Variants in ROS1 observed in about 807,000 individuals in gnomAD.
ROS1 encodes proto-oncogene tyrosine-protein kinase ROS.
In ROS1, 263 loss-of-function variants were observed where a neutral mutation model predicts 273.5. The ratio of observed to expected loss-of-function variants is 0.96; its 90% CI spans 0.87 to 1.06. ROS1 has a LOEUF of 1.06. Among genes scored for constraint, ROS1 ranks in the 50% least tolerant of loss-of-function variants. The pLI is 0.00. For missense variants in ROS1, 2,833 were observed against 2,751.1 expected, an observed-to-expected ratio of 1.03 and a Z score of -0.67; for synonymous variants, 1,008 against 954.1, an observed-to-expected ratio of 1.06 and a Z score of -1.04.
At chr6:117,423,339 G>A (rs1421187743) in intron 1 of ROS1, among the ~76,000 whole-genome samples, 1 of 152,082 alleles carries the variant, frequency 6.6e-6, no homozygotes, top group African/African-American at 2.4e-5. Flanking sequence ...TGCTAAAGAT[G>A]GGAAAATTAT....
At position 117,414,524 on chromosome 6, in the gene ROS1, A is replaced by G. The variant is rs374013038; in HGVS notation, c.250T>C (p.Cys84Arg). 4.2e-5 allele frequency: 31 copies of G among 737,592 alleles called. No individual in the cohort carries two copies. The highest frequency in any genetic ancestry group is 7.4e-5 in the Non-Finnish European group (30 of 407,188). 45.7% of individuals were successfully genotyped at this position (737,592 alleles called of 1,614,324 possible). A position where few individuals can be genotyped will look rare whatever the true frequency, so the allele number is the denominator to read the frequency against. The change falls in exon 4 of 44, where the codon TGT becomes CGT. Residue 84 changes from cysteine (C) to arginine (R), a missense_variant. Transcript: ENST00000368507. ...TTTTGTGATTGCCAACTCACCTCAC[A>G]AACGGTGGCATAAGTATCATTCTGC... ...LKCNDTYATVCERESCEVGCS... is the reference protein window; with the variant it reads ...LKCNDTYATVRERESCEVGCS...
chr6:117,393,991 T>A (rs1237490634), intron 11 of ROS1, among the ~76,000 whole-genome samples, 171 bp downstream of exon 11: 5 of 152,186 alleles, frequency 3.3e-5, no homozygotes, highest in Admixed American at 1.3e-4. Flanking sequence ...AGGTAAAGGC[T>A]ACACCCTCCT....
rs771717597 is a variant in ROS1, at chr6:117,341,393, A to G, written c.4884+7T>C. 5.5e-5 allele frequency: 88 copies of G among 1,612,494 alleles called. No individual in the cohort carries two copies. The highest frequency in any genetic ancestry group is 1.6e-4 in the Middle Eastern group (1 of 6,076). On this transcript the variant is annotated splice_region_variant and intron_variant, in intron 30 of 43. Coordinates refer to ENST00000368507, the MANE Select transcript of ROS1 (RefSeq NM_001378902.1). The stretch of plus-strand genomic sequence containing the variant: ...ACAATAAAGAGTGCCTAGTAAACTC[A>G]CTGTACCTTTAACACATAAATATTT...
At chr6:117,323,861 C>G (rs967358559) in intron 35 of ROS1, among the ~76,000 whole-genome samples, 1 of 152,144 alleles carries the variant, frequency 6.6e-6, no homozygotes, top group Admixed American at 6.6e-5. Flanking sequence ...AATGGATCTT[C>G]TGCAAAAGAG....
intron 5 of ROS1, among the ~76,000 whole-genome samples, chr6:117,405,190 A>C (rs984624600): frequency 1.3e-5 from 2 of 152,298 alleles, no homozygotes; most frequent in East Asian, 3.9e-4. Flanking sequence ...AGGGAGCTTA[A>C]AATGGTTAAT....
At chr6:117,372,232 G>A (rs1780853948) in intron 18 of ROS1, among the ~76,000 whole-genome samples, 1 of 152,104 alleles carries the variant, frequency 6.6e-6, no homozygotes, top group Non-Finnish European at 1.5e-5. Context: ...ACATAGTACT[G>A]GAAGTCCTAG....
intron 43 of ROS1, among the ~76,000 whole-genome samples, chr6:117,299,995 T>A (rs1334836697): frequency 6.9e-6 from 1 of 144,796 alleles, no homozygotes; most frequent in East Asian, 2.1e-4. Context: ...CGATCTCGGC[T>A]CACTGCAAGC....
intron 31 of ROS1, 150 bp from the exon 32 acceptor site, chr6:117,337,490 T>C (rs903177729): frequency 1.6e-6 from 1 of 611,566 alleles, no homozygotes. Flanking sequence ...TCCCAAACAT[T>C]ACCCCACTGC....
At chr6:117,292,849 T>C (rs1773938946) in intron 43 of ROS1, among the ~76,000 whole-genome samples, 1 of 152,214 alleles carries the variant, frequency 6.6e-6, no homozygotes, top group African/African-American at 2.4e-5. Context: ...CTGTGGTAAC[T>C]CCGGACTCTT....
intron 9 of ROS1, among the ~76,000 whole-genome samples, 158 bp downstream of exon 9, chr6:117,396,030 T>C (rs962586243): frequency 6.6e-6 from 1 of 152,156 alleles, no homozygotes; most frequent in African/African-American, 2.4e-5. Context: ...CTTAGGTTCA[T>C]TTAAAATGGA....
intron 31 of ROS1, among the ~76,000 whole-genome samples, chr6:117,338,967 A>G (rs911831416): frequency 1.3e-5 from 2 of 152,140 alleles, no homozygotes; most frequent in African/African-American, 4.8e-5. Context: ...AACAGCTGAG[A>G]AAAACACAAT....
rs778409880 is a variant in ROS1, at chr6:117,359,798, T to C, written c.3633+11A>G. The stretch of plus-strand genomic sequence containing the variant: ...CTTCCTTTATTTCGGAAGAATTACA[T>C]AGTGAAATACCTCAGAGCTAGAGCG... On this transcript the variant is annotated intron_variant, in intron 24 of 43. Transcript: ENST00000368507. 1.1e-5 allele frequency: 17 copies of C among 1,607,644 alleles called. No homozygotes were observed. The highest frequency in any genetic ancestry group is 6.7e-5 in the Admixed American group (4 of 59,950).
intron 34 of ROS1, among the ~76,000 whole-genome samples, chr6:117,324,661 T>G (rs746134009): frequency 6.6e-6 from 1 of 152,132 alleles, no homozygotes; most frequent in African/African-American, 2.4e-5. Context: ...ATCCACTCAA[T>G]CTTCTACTTT....
intron 27 of ROS1, among the ~76,000 whole-genome samples, chr6:117,346,254 A>ATTTTTT (rs905926285): frequency 6.8e-6 from 1 of 146,624 alleles, no homozygotes. Context: ...TTTCCCTTAC[A>ATTTTTT]TTTTTTTTTT....
At chr6:117,365,937 C>G (rs1780182688) in intron 19 of ROS1, 139 bp downstream of exon 19, 4 of 869,920 alleles carry the variant, frequency 4.6e-6, no homozygotes, top group Non-Finnish European at 7.0e-6. Flanking sequence ...ATTAAACTCA[C>G]TGCAAGCAAA....
At chr6:117,351,687 T>C (rs983562684) in intron 27 of ROS1, among the ~76,000 whole-genome samples, 1 of 152,214 alleles carries the variant, frequency 6.6e-6, no homozygotes, top group Non-Finnish European at 1.5e-5. Context: ...TCTTTCCAAC[T>C]GGGGACAGCA....
chr6:117,312,441 CT>C (rs1451944347), intron 39 of ROS1, among the ~76,000 whole-genome samples: 3 of 152,096 alleles, frequency 2.0e-5, no homozygotes, highest in Non-Finnish European at 4.4e-5. Context: ...AGGCTATGAC[CT>C]TACTCCCAAA....
chr6:117,322,987 T>A (rs1776383742), intron 35 of ROS1, among the ~76,000 whole-genome samples: 1 of 152,070 alleles, frequency 6.6e-6, no homozygotes, highest in African/African-American at 2.4e-5. Context: ...CAAGCAAAGG[T>A]CAGCTGAAGG....
Position 117,359,512 on chromosome 6 carries a change from G to C in ROS1, c.3633+297C>G, listed in dbSNP as rs192937568. Among the ~76,000 whole-genome samples the C allele has an allele frequency of 1.6e-3, 250 of 152,230 alleles. 3 individuals carry two copies. Among genetic ancestry groups the C allele is most frequent in the Non-Finnish European group, 5.7e-4 (39 of 68,010 alleles). ...ATCACTAGGCAATACTGCCTTCCTAGTGTTGGACTAATACTAGACTGGGTT... is the reference window on the plus strand; with the variant it reads ...ATCACTAGGCAATACTGCCTTCCTACTGTTGGACTAATACTAGACTGGGTT... On this transcript the variant is annotated intron_variant, in intron 24 of 43. Transcript: ENST00000368507.
Sources: allele counts gnomAD v4.1 joint callset (sites outside exome capture counted in the v4.1 genomes callset), GRCh38; gene constraint gnomAD v4.1.1; transcripts MANE v1.5; gene names NCBI Gene and HGNC (gene_info 2026-07-23, HGNC 2026-07-21).